PCDHA6: variants seen among roughly 807,000 people sequenced by gnomAD.
PCDHA6 encodes protocadherin alpha-6.
In PCDHA6, 55 loss-of-function variants were observed where a neutral mutation model predicts 60.3. The observed-to-expected ratio is 0.91, with a 90% CI of 0.73 to 1.14. The LOEUF (loss-of-function observed/expected upper bound fraction) is 1.14, where lower values mean the gene tolerates loss of function less well. Among genes scored for constraint, PCDHA6 ranks in the 50% most tolerant of loss-of-function variants. The pLI, the probability that PCDHA6 is intolerant of heterozygous loss-of-function variation, is 0.00. For synonymous variants in PCDHA6, 652 were observed against 557.9 expected (o/e 1.17, Z -2.38); for missense variants, 1,327 against 1,256.5 (o/e 1.06, Z -0.85).
intron 1 of PCDHA6, among the ~76,000 whole-genome samples, chr5:140,905,993 TG>T (rs1314051308): frequency 6.6e-6 from 1 of 152,176 alleles, no homozygotes; most frequent in African/African-American, 2.4e-5. Flanking sequence ...AGATGTAGGC[TG>T]GGAGGCTAAG....
chr5:140,852,764 A>T (rs1488234251), intron 1 of PCDHA6: 1 of 983,098 alleles, frequency 1.0e-6, no homozygotes, highest in Non-Finnish European at 1.2e-6. Flanking sequence ...CAGGTATCTG[A>T]TTATTTGATG....
intron 1 of PCDHA6, chr5:140,882,074 G>C (rs1276421996): frequency 1.1e-6 from 1 of 886,834 alleles, no homozygotes. Context: ...CATGCGCATG[G>C]TGTCGCTCTT....
chr5:140,879,539 A>G (rs1554170849), intron 1 of PCDHA6, among the ~76,000 whole-genome samples: 1 of 152,238 alleles, frequency 6.6e-6, no homozygotes, highest in Non-Finnish European at 1.5e-5. Flanking sequence ...CAACTCCTTT[A>G]GAGAAAAAAA....
At chr5:141,009,488 C>T (rs2098409682) in intron 3 of PCDHA6, 139 bp from the exon 4 acceptor site, 4 of 1,469,622 alleles carry the variant, frequency 2.7e-6, no homozygotes, top group Non-Finnish European at 3.6e-6. Context: ...CTTGCCTTGC[C>T]CTCAGACTTG....
intron 3 of PCDHA6, among the ~76,000 whole-genome samples, chr5:141,006,560 C>G (rs1179730864): frequency 2.0e-5 from 3 of 152,084 alleles, no homozygotes; most frequent in Non-Finnish European, 4.4e-5. Flanking sequence ...AAAGATGACT[C>G]TGGCTACTGT....
chr5:140,923,339 A>C (rs1341190939), intron 1 of PCDHA6, among the ~76,000 whole-genome samples: 2 of 152,154 alleles, frequency 1.3e-5, no homozygotes, highest in Non-Finnish European at 2.9e-5. Context: ...CAGTTTGGGC[A>C]ACATAGTGGG....
intron 3 of PCDHA6, among the ~76,000 whole-genome samples, chr5:140,991,824 A>T (rs1326935155): frequency 1.3e-5 from 2 of 152,240 alleles, no homozygotes; most frequent in Non-Finnish European, 2.9e-5. Context: ...TTAGGCATTT[A>T]TAACGGCAGA....
At position 140,883,732 on chromosome 5, in the gene PCDHA6, G is replaced by T. The variant is rs17844355; in HGVS notation, c.2394+53247G>T. The stretch of plus-strand genomic sequence containing the variant: ...AGGACGCGGACGCACAGGAGAACGC[G>T]CTGGTCTCCTACTCGCTGGTGGAGC... On this transcript the variant is annotated intron_variant, in intron 1 of 3. Transcript: ENST00000529310. The T allele has an allele frequency of 3.9e-4, 630 of 1,613,452 alleles. 2 individuals are homozygous for T. The East Asian group carries it at 0.013, about 33-fold the overall frequency.
chr5:140,846,687 T>C (rs1554141460), intron 1 of PCDHA6, among the ~76,000 whole-genome samples: 1 of 149,376 alleles, frequency 6.7e-6, no homozygotes, highest in East Asian at 1.9e-4. Context: ...AATGCTTTCT[T>C]AGCAAGTAGA....
intron 1 of PCDHA6, among the ~76,000 whole-genome samples, chr5:140,916,305 G>T (rs2077519382): frequency 1.3e-5 from 2 of 152,156 alleles, no homozygotes; most frequent in South Asian, 2.1e-4. Context: ...TGGTACCAAA[G>T]GTGCAAGACA....
At chr5:140,917,170 G>A (rs1196393398) in intron 1 of PCDHA6, among the ~76,000 whole-genome samples, 1 of 152,184 alleles carries the variant, frequency 6.6e-6, no homozygotes, top group African/African-American at 2.4e-5. Context: ...AGGGGTGATG[G>A]TGGTGATCCC....
At chr5:140,956,403 A>C (rs1475566345) in intron 1 of PCDHA6, among the ~76,000 whole-genome samples, 1 of 152,178 alleles carries the variant, frequency 6.6e-6, no homozygotes, top group African/African-American at 2.4e-5. Context: ...ATCCATTGAG[A>C]TAATCATGTG....
intron 1 of PCDHA6, chr5:140,835,952 G>A (rs1366259888): frequency 1.2e-6 from 2 of 1,612,910 alleles, no homozygotes; most frequent in Non-Finnish European, 1.7e-6. Flanking sequence ...TGCAGCCGTT[G>A]GACCACGAGG....
chr5:140,862,537 C>G (rs56017024), intron 1 of PCDHA6: 1 of 440,558 alleles, frequency 2.3e-6, no homozygotes, highest in Non-Finnish European at 4.6e-6. Context: ...CCATCGGGTC[C>G]GTGGAAGTGG....
At chr5:140,836,991 C>A in intron 1 of PCDHA6, 2 of 347,628 alleles carry the variant, frequency 5.8e-6, no homozygotes, top group Non-Finnish European at 1.0e-5. Context: ...GAGGACTTTG[C>A]TAACTGGAGC....
chr5:140,975,149 T>A (rs990599895), intron 1 of PCDHA6, among the ~76,000 whole-genome samples: 1 of 152,202 alleles, frequency 6.6e-6, no homozygotes, highest in Non-Finnish European at 1.5e-5. Flanking sequence ...CACTCTCAGT[T>A]CCTAGAGAAC....
chr5:140,835,543 G>A (rs2150237824), intron 1 of PCDHA6: 1 of 1,613,934 alleles, frequency 6.2e-7, no homozygotes, highest in African/African-American at 1.3e-5. Context: ...CAGGTTACCT[G>A]CTCCCTGACG....
chr5:140,886,827 G>GAAAA (rs782016620), intron 1 of PCDHA6, among the ~76,000 whole-genome samples: 11 of 60,864 alleles, frequency 1.8e-4, no homozygotes, highest in Admixed American at 1.8e-4. Context: ...ACTTCGTCTT[G>GAAAA]AAAAAAAAAA....
chr5:140,994,667 T>G (rs2097644091), intron 3 of PCDHA6, among the ~76,000 whole-genome samples: 1 of 152,140 alleles, frequency 6.6e-6, no homozygotes, highest in Non-Finnish European at 1.5e-5. Flanking sequence ...ATCACACTAC[T>G]GCACTCCAGC....
Sources: allele counts gnomAD v4.1 joint callset (sites outside exome capture counted in the v4.1 genomes callset), GRCh38; gene constraint gnomAD v4.1.1; transcripts MANE v1.5; gene names NCBI Gene and HGNC (gene_info 2026-07-23, HGNC 2026-07-21).